MORN4: variants seen among roughly 807,000 people sequenced by gnomAD.
MORN4 encodes MORN repeat containing 4, also known as MORN repeat-containing protein 4.
MORN4 carries 8 observed loss-of-function variants against 16.4 expected under a neutral mutation model. That is an observed-to-expected ratio of 0.49 (90% CI 0.29 to 0.88). MORN4 has a LOEUF of 0.88. MORN4 is among the 40% of genes least tolerant of loss of function. The pLI is 0.09. For synonymous variants in MORN4, 53 were observed against 68.9 expected (o/e 0.77, Z 1.14); for missense variants, 159 against 182.9 (o/e 0.87, Z 0.75).
intron 1 of MORN4, among the ~76,000 whole-genome samples, chr10:97,627,432 C>T (rs1282310338): frequency 6.6e-6 from 1 of 152,124 alleles, no homozygotes; most frequent in Non-Finnish European, 1.5e-5. Flanking sequence ...CGTGAGCTAC[C>T]GCGCCCAGCC....
At chr10:97,619,396 T>C in intron 2 of MORN4, 191 bp downstream of exon 2, 2 of 594,628 alleles carry the variant, frequency 3.4e-6, no homozygotes, top group Non-Finnish European at 3.0e-6. Flanking sequence ...TTCCTGGAGG[T>C]TGAATTAACA....
At chr10:97,621,841 G>A (rs145426213) in intron 1 of MORN4, among the ~76,000 whole-genome samples, 3,047 of 152,168 alleles carry the variant, frequency 0.02, 123 homozygotes, top group Admixed American at 0.028. Flanking sequence ...TTCCAGCCTG[G>A]GCGACAGAGT....
chr10:97,624,312 C>T (rs931347849), intron 1 of MORN4, among the ~76,000 whole-genome samples: 2 of 152,222 alleles, frequency 1.3e-5, no homozygotes, highest in Non-Finnish European at 2.9e-5. Flanking sequence ...GCACAACCCT[C>T]TCTAATAATC....
At position 97,617,208 on chromosome 10, in the gene MORN4, C is replaced by A; in HGVS notation, c.182G>T (p.Arg61Met). Residue 61 changes from arginine to methionine, a missense_variant and splice_region_variant, in exon 3 of 5, where the codon AGG becomes ATG. Coordinates refer to ENST00000307450, the MANE Select transcript of MORN4 (RefSeq NM_178832.4). ...FGVLTFSDGS[R>M]YEGEFAQGKF... ...AAGAAAGGAATGACCTCATACCCACCTTGAACCATCTGAGAAGGTCAATAC... is the reference window on the plus strand; with the variant it reads ...AAGAAAGGAATGACCTCATACCCACATTGAACCATCTGAGAAGGTCAATAC... 1 of 1,612,900 alleles carries A rather than the reference C, an allele frequency of 6.2e-7. No individual in the cohort carries two copies. The highest frequency in any genetic ancestry group is 8.5e-7 in the Non-Finnish European group (1 of 1,178,874).
intron 3 of MORN4, 107 bp from the exon 4 acceptor site, chr10:97,616,894 C>T (rs979444286): frequency 1.0e-5 from 8 of 796,764 alleles, no homozygotes; most frequent in East Asian, 9.8e-5. Flanking sequence ...AGGAGCAAGC[C>T]GATTCTACCA....
intron 1 of MORN4, among the ~76,000 whole-genome samples, chr10:97,622,201 G>T (rs1278165492): frequency 1.3e-5 from 2 of 152,170 alleles, no homozygotes; most frequent in African/African-American, 2.4e-5. Context: ...TCAAGCCACT[G>T]TGTTTTCTGG....
Position 97,633,324 on chromosome 10 carries a change from T to C in MORN4, c.-31+23A>G. The C allele has an allele frequency of 7.8e-7, 1 of 1,288,710 alleles. No individual in the cohort carries two copies. The highest frequency in any genetic ancestry group is 1.0e-6 in the Non-Finnish European group (1 of 988,372). 79.8% of individuals were successfully genotyped at this position (1,288,710 alleles called of 1,614,324 possible). A position where few individuals can be genotyped will look rare whatever the true frequency, so the allele number is the denominator to read the frequency against. ...CCGATCACACTCTTTCCCGGCCCCC[T>C]CCCTCCTGCGCCTCCAGCCAACCTG... is the stretch of plus-strand genomic sequence containing the variant. On this transcript the variant is annotated intron_variant, in intron 1 of 4. Transcript: ENST00000307450. This position sits in a 1 kb window ranked among gnomAD's most constrained non-coding sequence, Gnocchi z 4.5.
chr10:97,629,618 C>T (rs1366616169), intron 1 of MORN4, among the ~76,000 whole-genome samples: 1 of 152,132 alleles, frequency 6.6e-6, no homozygotes, highest in Non-Finnish European at 1.5e-5. Flanking sequence ...GTGAAGGAGC[C>T]TTCAGATGAT....
chr10:97,621,852 G>A (rs1193600301), intron 1 of MORN4, among the ~76,000 whole-genome samples: 1 of 151,926 alleles, frequency 6.6e-6, no homozygotes, highest in Admixed American at 6.6e-5. Flanking sequence ...GCGACAGAGT[G>A]AGGCTCTGTC....
intron 1 of MORN4, among the ~76,000 whole-genome samples, chr10:97,628,405 G>A (rs915163107): frequency 6.6e-6 from 1 of 152,214 alleles, no homozygotes; most frequent in Non-Finnish European, 1.5e-5. Flanking sequence ...AACTTCCAAA[G>A]AGTGGCATTC....
rs531784564 is a variant in MORN4, at chr10:97,621,254, T to C, written c.-30-1571A>G. Among the ~76,000 whole-genome samples, 15 of 152,326 alleles carry C rather than the reference T, an allele frequency of 9.8e-5. No individual in the cohort carries two copies. The East Asian group carries it at 2.1e-3, about 22-fold the overall frequency. ...GTTTGTTGACAGCCTCCCCTGACTA[T>C]GCTAGTCCTTTTTTCCTGTACAGCA... On this transcript the variant is annotated intron_variant, in intron 1 of 4. Transcript: ENST00000307450.
At chr10:97,616,854 G>T in intron 3 of MORN4, 67 bp from the exon 4 acceptor site, 2 of 1,095,292 alleles carry the variant, frequency 1.8e-6, no homozygotes, top group Non-Finnish European at 2.8e-6. Flanking sequence ...GAGTCGAGCA[G>T]CTGCTGATCT....
At chr10:97,629,102 T>G (rs576706146) in intron 1 of MORN4, among the ~76,000 whole-genome samples, 1 of 151,876 alleles carries the variant, frequency 6.6e-6, no homozygotes, top group Non-Finnish European at 1.5e-5. Flanking sequence ...AAAATGATGG[T>G]GTGGGCCGGG....
rs1391525072 is a variant in MORN4, at chr10:97,619,758, T to A, written c.-30-75A>T. 5 of 1,223,664 alleles carry A rather than the reference T, an allele frequency of 4.1e-6. No individual in the cohort carries two copies. In the African/African-American group the frequency reaches 5.9e-5, roughly 15 times the overall value. 75.8% of individuals were successfully genotyped at this position (1,223,664 alleles called of 1,614,324 possible). On this transcript the variant is annotated intron_variant, in intron 1 of 4. Coordinates refer to ENST00000307450, the MANE Select transcript of MORN4 (RefSeq NM_178832.4). ...AAGGACTGCAAGGCAATTTTATAGA[T>A]ACATTCTAAAGGCCACCAGCCTGGT...
At chr10:97,626,839 C>T (rs1349678146) in intron 1 of MORN4, among the ~76,000 whole-genome samples, 2 of 150,326 alleles carry the variant, frequency 1.3e-5, no homozygotes, top group African/African-American at 4.9e-5. Flanking sequence ...CTCACTGTAA[C>T]CTCTGCCTCC....
intron 1 of MORN4, among the ~76,000 whole-genome samples, chr10:97,626,479 G>T (rs1281962907): frequency 1.4e-5 from 2 of 147,610 alleles, no homozygotes; most frequent in South Asian, 4.3e-4. Flanking sequence ...TTCTTGAAAC[G>T]GAGTCTTGCT....
chr10:97,630,223 G>A (rs976020864), intron 1 of MORN4, among the ~76,000 whole-genome samples: 6 of 151,918 alleles, frequency 3.9e-5, no homozygotes, highest in East Asian at 1.9e-4. Context: ...CACTGTGCCC[G>A]GCCCCGGCTA....
At position 97,633,120 on chromosome 10, in the gene MORN4, A is replaced by AC. The variant is rs1399831070; in HGVS notation, c.-31+226dup. 6.6e-6 allele frequency among the ~76,000 whole-genome samples: 1 copy of AC among 151,362 alleles called. No homozygotes were observed. Among genetic ancestry groups the AC allele is most frequent in the African/African-American group, 2.4e-5 (1 of 41,110 alleles). On this transcript the variant is annotated intron_variant, in intron 1 of 4. Transcript: ENST00000307450. The surrounding 1 kb of genome is among the most constrained non-coding windows in gnomAD (Gnocchi z 4.5). ...GCCAATTCCCCTGATGCAACCCTCC[A>AC]CCCTCTGCTCGCTAACCCCAGTCCA...
chr10:97,631,722 C>T (rs888120388), intron 1 of MORN4, among the ~76,000 whole-genome samples: 106 of 151,992 alleles, frequency 7.0e-4, no homozygotes, highest in African/African-American at 2.5e-3. Flanking sequence ...TCGCTTGAGC[C>T]CAGGAGTTCA....
Sources: allele counts gnomAD v4.1 joint callset (sites outside exome capture counted in the v4.1 genomes callset), GRCh38; gene constraint gnomAD v4.1.1; non-coding constraint Gnocchi (gnomAD v3.1); transcripts MANE v1.5; gene names NCBI Gene and HGNC (gene_info 2026-07-23, HGNC 2026-07-21).